IRF7: variants seen among roughly 807,000 people sequenced by gnomAD.
The protein encoded by IRF7 is interferon regulatory factor-7H.
A neutral mutation model predicts 51.3 loss-of-function variants in IRF7; 67 were observed. The ratio of observed to expected loss-of-function variants is 1.31; its 90% CI spans 1.07 to 1.60. The LOEUF is 1.60. Among genes scored for constraint, IRF7 ranks in the 40% most tolerant of loss-of-function variants. The pLI is 0.00. For synonymous variants in IRF7, 427 were observed against 301.3 expected, an observed-to-expected ratio of 1.42 and a Z score of -4.32; for missense variants, 873 against 701.5, an observed-to-expected ratio of 1.24 and a Z score of -2.76.
In IRF7 at chr11:613,206, C is replaced by G. The variant is rs753604903; in HGVS notation, c.1237G>C (p.Glu413Gln). Residue 413 changes from glutamate to glutamine, a missense_variant and splice_region_variant, in exon 9 of 11, where the codon GAG becomes CAG. Transcript: ENST00000525445. The part of the protein sequence containing the change: ...PIFDFRVFFQ[E>Q]LVEFRARQRR... ...CCCCCCAGGCAAGGGCCTCACTGAC[C>G]TTGGAAGAAGACTCTGAAGTCGAAG... is the stretch of plus-strand genomic sequence containing the variant. 4 of 1,589,288 alleles carry G rather than the reference C, an allele frequency of 2.5e-6. No homozygotes were observed. The highest frequency in any genetic ancestry group is 3.5e-5 in the Admixed American group (2 of 56,908).
rs200579991 is a variant in IRF7 at position 613,957 on chromosome 11, T to G, written c.760A>C (p.Thr254Pro). 5.0e-6 allele frequency: 8 copies of G among 1,606,278 alleles called. No homozygotes were observed. Among genetic ancestry groups the G allele is most frequent in the East Asian group, 2.2e-5 (1 of 44,810 alleles). ...PSPGPQPAAL[T>P]TGEAAAPESP... ...CAACCCCTACCCCTCTCACCTGTCG[T>G]TAGTGCCGCGGGCTGGGGCCCGGGG... The change falls in exon 7 of 11, where the codon ACG (threonine) becomes CCG (proline). Residue 254 changes from threonine to proline, a missense_variant. Transcript: ENST00000525445.
intron 2 of IRF7, 28 bp downstream of exon 2, chr11:615,317 A>G (rs372041504): frequency 1.0e-5 from 16 of 1,566,060 alleles, no homozygotes; most frequent in Non-Finnish European, 1.4e-5. Context: ...GGGGACTGGC[A>G]TCTGGAGAGG....
rs1481710253 is a variant in IRF7 at position 615,429 on chromosome 11, G to A, written c.-65C>T. 10 of 1,448,136 alleles carry A rather than the reference G, an allele frequency of 6.9e-6. No homozygotes were observed. Among genetic ancestry groups the A allele is most frequent in the Non-Finnish European group, 9.1e-6 (10 of 1,103,928 alleles). The allele number at this position is 1,448,136 out of a possible 1,614,324, so 89.7% of individuals were successfully genotyped here. ...TATAACAGGGGAGGTAAGGGCTCCT[G>A]TCGCAGCAGACGCCAGGCCGCGGCC... On this transcript the variant is annotated 5_prime_UTR_variant, in exon 2 of 11. Transcript: ENST00000525445.
chr11:613,697 A>G (rs61877853), intron 8 of IRF7, 88 bp downstream of exon 8: 16 of 565,018 alleles, frequency 2.8e-5, no homozygotes, highest in Admixed American at 1.6e-4. Flanking sequence ...GTGGGCGGGG[A>G]CAGGATGTGA....
chr11:614,137 C>A, intron 6 of IRF7, 37 bp downstream of exon 6: 1 of 1,595,888 alleles, frequency 6.3e-7, no homozygotes, highest in Non-Finnish European at 8.6e-7. Context: ...TGCACTGGCC[C>A]CTCCCGCGCT....
At chr11:615,724 A>G (rs1376339480) in intron 1 of IRF7, 77 bp from the exon 2 acceptor site, 2 of 320,430 alleles carry the variant, frequency 6.2e-6, no homozygotes, top group Non-Finnish European at 1.1e-5. Flanking sequence ...GGCGCTTCGC[A>G]CCCTCCTCGA....
chr11:612,711 C>T lies in IRF7; in HGVS notation c.1446G>A (p.Leu482=). The part of the protein sequence containing the change: ...SLDSSSLSLC[L]SSANSLYDDI... The stretch of plus-strand genomic sequence containing the variant: ...CGTCATAGAGGCTGTTGGCGCTGGA[C>T]AGGCAGAGGCTGAGGCTGCTGCTAT... The change falls in exon 11 of 11, where the codon CTG becomes CTA. Residue 482 remains leucine (L), a synonymous_variant. Transcript: ENST00000525445. 1 of 1,612,944 alleles carries T rather than the reference C, an allele frequency of 6.2e-7. No homozygotes were observed. The highest frequency in any genetic ancestry group is 8.5e-7 in the Non-Finnish European group (1 of 1,180,008).
At chr11:615,785 C>CTCCGCG (rs1244463286) in intron 1 of IRF7, 128 bp downstream of exon 1, 4 of 209,696 alleles carry the variant, frequency 1.9e-5, no homozygotes, top group Non-Finnish European at 2.8e-5. Context: ...CCGCCTCCGC[C>CTCCGCG]TCCCTCCCCG....
At position 612,674 on chromosome 11, in the gene IRF7, A is replaced by G; in HGVS notation, c.1483T>C (p.Phe495Leu). 1 of 1,613,264 alleles carries G rather than the reference A, an allele frequency of 6.2e-7. No homozygotes were observed. The highest frequency in any genetic ancestry group is 8.5e-7 in the Non-Finnish European group (1 of 1,179,998). Residue 495 changes from phenylalanine to leucine, a missense_variant, in exon 11 of 11, where the codon TTC becomes CTC. Transcript: ENST00000525445. ...ANSLYDDIEC[F>L]LMELEQPA ...GCGGGCTGCTCCAGCTCCATAAGGA[A>G]GCACTCGATGTCGTCATAGAGGCTG...
rs772585517 is a variant in IRF7 at position 614,260 on chromosome 11, G to A, written c.593C>T (p.Thr198Ile). The A allele has an allele frequency of 6.2e-7, 1 of 1,612,720 alleles. No individual in the cohort carries two copies. The highest frequency in any genetic ancestry group is 8.5e-7 in the Non-Finnish European group (1 of 1,179,802). The change falls in exon 6 of 11, where the codon ACA (threonine) becomes ATA (isoleucine). Residue 198 changes from threonine (T) to isoleucine (I), a missense_variant. Transcript: ENST00000525445. ...QQSCLADHLL[T>I]ASWGADPVPT... is the part of the protein sequence containing the mutation. ...GACTGGATCTGCCCCCCATGACGCT[G>A]TCAGCAGATGGTCTGCCAGGCAGCT...
In IRF7 at chr11:614,261, T is replaced by A. The variant is rs1462220336; in HGVS notation, c.592A>T (p.Thr198Ser). Residue 198 changes from threonine to serine, a missense_variant, in exon 6 of 11, where the codon ACA becomes TCA. Physicochemically the swap from Thr to Ser is moderately conservative, Grantham distance 58 (BLOSUM62 1). Coordinates refer to ENST00000525445, the MANE Select transcript of IRF7 (RefSeq NM_001572.5). ...QQSCLADHLL[T>S]ASWGADPVPT... ...ACTGGATCTGCCCCCCATGACGCTG[T>A]CAGCAGATGGTCTGCCAGGCAGCTC... is the stretch of plus-strand genomic sequence containing the variant. 6.2e-7 allele frequency: 1 copy of A among 1,612,600 alleles called. No individual in the cohort carries two copies. Among genetic ancestry groups the A allele is most frequent in the African/African-American group, 1.3e-5 (1 of 74,890 alleles).
intron 6 of IRF7, 59 bp from the exon 7 acceptor site, chr11:614,096 C>A: frequency 6.3e-7 from 1 of 1,578,950 alleles, no homozygotes; most frequent in Non-Finnish European, 8.6e-7. Context: ...GCTCCCCAAT[C>A]CCCAGCCCCC....
At position 612,572 on chromosome 11, in the gene IRF7, T is replaced by G; in HGVS notation, c.*73A>C. On this transcript the variant is annotated 3_prime_UTR_variant, in exon 11 of 11. Coordinates refer to ENST00000525445, the MANE Select transcript of IRF7 (RefSeq NM_001572.5). ...CCAGTACGTGTTCTGGAGTTCTTTTTATTAGACTGGGCGGCCGCGGCCAGC... is the reference window on the plus strand; with the variant it reads ...CCAGTACGTGTTCTGGAGTTCTTTTGATTAGACTGGGCGGCCGCGGCCAGC... The G allele has an allele frequency of 6.4e-7, 1 of 1,562,158 alleles. No individual in the cohort carries two copies. Among genetic ancestry groups the G allele is most frequent in the South Asian group, 1.1e-5 (1 of 89,626 alleles).
chr11:613,182 C>T (rs1472955211), intron 9 of IRF7, 24 bp downstream of exon 9: 2 of 1,594,026 alleles, frequency 1.3e-6, no homozygotes, highest in African/African-American at 2.7e-5. Flanking sequence ...TGGAGACAGC[C>T]CCCCAGGCAA....
rs1327833981 is a variant in IRF7, at chr11:613,944, C to T, written c.766+7G>A. 5 of 1,606,288 alleles carry T rather than the reference C, an allele frequency of 3.1e-6. No homozygotes were observed. The highest frequency in any genetic ancestry group is 8.5e-7 in the Non-Finnish European group (1 of 1,177,806). On this transcript the variant is annotated splice_region_variant and intron_variant, in intron 7 of 10. Transcript: ENST00000525445. ...GCCCCAGGCCTCCCAACCCCTACCC[C>T]TCTCACCTGTCGTTAGTGCCGCGGG...
Position 613,985 on chromosome 11 carries a change from G to C in IRF7, c.732C>G (p.Pro244=), listed in dbSNP as rs781246708. The change falls in exon 7 of 11, where the codon CCC becomes CCG. Residue 244 remains proline, a synonymous_variant. Coordinates refer to ENST00000525445, the MANE Select transcript of IRF7 (RefSeq NM_001572.5). ...ELYGWAVETT[P]SPGPQPAALT... is the part of the protein sequence containing the mutation. ...GTGCCGCGGGCTGGGGCCCGGGGCT[G>C]GGGGTCGTCTCTACTGCCCACCCGT... 7.5e-6 allele frequency: 12 copies of C among 1,607,958 alleles called. No individual in the cohort carries two copies. In the South Asian group the frequency reaches 1.3e-4, roughly 18 times the overall value.
rs139709725 is a variant in IRF7, at chr11:614,269, T to A, written c.584A>T (p.His195Leu). The change falls in exon 6 of 11, where the codon CAT (histidine) becomes CTT (leucine). Residue 195 changes from histidine to leucine, a missense_variant. By Grantham distance (99) the His-to-Leu change is moderately conservative. Transcript: ENST00000525445. ...QAVQQSCLAD[H>L]LLTASWGADP... ...TGCCCCCCATGACGCTGTCAGCAGATGGTCTGCCAGGCAGCTCTGTTGCAC... is the reference window on the plus strand; with the variant it reads ...TGCCCCCCATGACGCTGTCAGCAGAAGGTCTGCCAGGCAGCTCTGTTGCAC... 238 of 1,612,358 alleles carry A rather than the reference T, an allele frequency of 1.5e-4. No homozygotes were observed. Among genetic ancestry groups the A allele is most frequent in the Middle Eastern group, 8.2e-4 (5 of 6,084 alleles).
At chr11:614,608 C>G in intron 4 of IRF7, 74 bp from the exon 5 acceptor site, 1 of 1,516,384 alleles carries the variant, frequency 6.6e-7, no homozygotes, top group Non-Finnish European at 8.9e-7. Flanking sequence ...GTGTAGCCCC[C>G]ACCAGCTTCC....
At chr11:612,837 CGT>C in intron 10 of IRF7, 37 bp from the exon 11 acceptor site, 2 of 1,597,596 alleles carry the variant, frequency 1.3e-6, no homozygotes, top group South Asian at 1.1e-5. Flanking sequence ...AGTGACCCGG[CGT>C]GTGTCCTCCC....
Sources: gnomAD v4.1 joint callset for allele counts on GRCh38, gnomAD v4.1.1 for gene constraint, MANE v1.5 for transcripts, NCBI Gene and HGNC (gene_info 2026-07-23, HGNC 2026-07-21) for gene names.